DAAM2: variants seen among roughly 807,000 people sequenced by gnomAD.
DAAM2 encodes the protein disheveled-associated activator of morphogenesis 2.
A neutral mutation model predicts 120.7 loss-of-function variants in DAAM2; 39 were observed. That is an observed-to-expected ratio of 0.32 (90% CI 0.25 to 0.42). DAAM2 has a LOEUF of 0.42. DAAM2 is among the 10% of genes least tolerant of loss of function. The probability of loss-of-function intolerance (pLI) is 1.00; values close to 1 mark genes in which losing one functional copy is unlikely to be tolerated. For synonymous variants in DAAM2, 488 were observed against 524.9 expected (o/e 0.93, Z 0.96); for missense variants, 1,283 against 1,401.7 (o/e 0.92, Z 1.35).
chr6:39,832,649 T>A (rs917218115), intron 1 of DAAM2, among the ~76,000 whole-genome samples: 4 of 152,200 alleles, frequency 2.6e-5, no homozygotes, highest in Non-Finnish European at 2.9e-5. Flanking sequence ...AATTCAAACT[T>A]CCTGTGAGGG....
Position 39,883,772 on chromosome 6 carries a change from C to T in DAAM2, c.1846-190C>T. 5 of 567,960 alleles carry T rather than the reference C, an allele frequency of 8.8e-6. No individual in the cohort carries two copies. The South Asian group carries it at 1.2e-4, about 14-fold the overall frequency. The allele number at this position is 567,960 out of a possible 1,614,324, so 35.2% of individuals were successfully genotyped here. A position where few individuals can be genotyped will look rare whatever the true frequency, so the allele number is the denominator to read the frequency against. ...GGGAGGAAAAGGGGGTTGTCTCTGG[C>T]CTCTACCCTGGAGCAGAGTATTCAA... On this transcript the variant is annotated intron_variant, in intron 14 of 24. Coordinates refer to ENST00000274867, the MANE Select transcript of DAAM2 (RefSeq NM_001201427.2).
chr6:39,849,713 C>G (rs988203891), intron 1 of DAAM2, among the ~76,000 whole-genome samples: 20 of 152,152 alleles, frequency 1.3e-4, no homozygotes, highest in Admixed American at 9.2e-4. Flanking sequence ...ATCCCCAGGT[C>G]TGCTTGCTGT....
intron 19 of DAAM2, among the ~76,000 whole-genome samples, chr6:39,892,700 T>C (rs1267947731): frequency 1.3e-5 from 2 of 152,108 alleles, no homozygotes; most frequent in East Asian, 1.9e-4. Flanking sequence ...GAACAGAGCA[T>C]GGGCACCCCC....
At chr6:39,888,816 C>T in intron 17 of DAAM2, 53 bp downstream of exon 17, 2 of 1,406,426 alleles carry the variant, frequency 1.4e-6, no homozygotes, top group Non-Finnish European at 2.0e-6. Context: ...GCAGCCACGC[C>T]CCTTCCCAAC....
In DAAM2 at chr6:39,879,229, T is replaced by G; in HGVS notation, c.1597T>G (p.Ser533Ala). The change falls in exon 14 of 25, where the codon TCC (serine) becomes GCC (alanine). Residue 533 changes from serine (S) to alanine (A), a missense_variant. Ser to Ala is a moderately conservative substitution (Grantham distance 99). Coordinates refer to ENST00000274867, the MANE Select transcript of DAAM2 (RefSeq NM_001201427.2). The part of the protein sequence containing the change: ...PPPGGPLTLS[S>A]SMTTNDLPPP... Reference sequence around the variant, plus strand: ...CCCTGGGGGCCCACTCACCTTGTCTTCCTCAATGACAACCAATGACCTGCC... The same window carrying G: ...CCCTGGGGGCCCACTCACCTTGTCTGCCTCAATGACAACCAATGACCTGCC... The G allele has an allele frequency of 6.5e-7, 1 of 1,550,230 alleles. No homozygotes were observed. Among genetic ancestry groups the G allele is most frequent in the East Asian group, 2.4e-5 (1 of 40,952 alleles).
chr6:39,847,515 T>C lies in DAAM2; in HGVS notation c.-56-8732T>C, dbSNP rs371916507. 6.6e-5 allele frequency among the ~76,000 whole-genome samples: 10 copies of C among 152,250 alleles called. No individual in the cohort carries two copies. The East Asian group carries it at 1.9e-3, about 29-fold the overall frequency. ...GCCCCAGACTTACGGCGCTAATGGG[T>C]AGCAGAGACATGGGCGCTAAAATTC... is the stretch of plus-strand genomic sequence containing the variant. On this transcript the variant is annotated intron_variant, in intron 1 of 24. Coordinates refer to ENST00000274867, the MANE Select transcript of DAAM2 (RefSeq NM_001201427.2).
At chr6:39,816,214 A>T (rs1762304973) in intron 1 of DAAM2, among the ~76,000 whole-genome samples, 1 of 152,212 alleles carries the variant, frequency 6.6e-6, no homozygotes, top group Non-Finnish European at 1.5e-5. Context: ...CGCATTTCTA[A>T]CATGTTCACA....
intron 1 of DAAM2, among the ~76,000 whole-genome samples, chr6:39,803,361 C>T (rs549819480): frequency 3.3e-4 from 51 of 152,298 alleles, no homozygotes; most frequent in African/African-American, 9.9e-4. Context: ...TACAGGGATT[C>T]CTGAGACGTT....
chr6:39,855,554 C>T (rs551423133), intron 1 of DAAM2, among the ~76,000 whole-genome samples: 1 of 152,340 alleles, frequency 6.6e-6, no homozygotes, highest in South Asian at 2.1e-4. Context: ...TTCGCTCTGA[C>T]TCCCCTGGGT....
chr6:39,821,136 A>C (rs1164022905), intron 1 of DAAM2: 1 of 152,092 alleles, frequency 6.6e-6, no homozygotes, highest in Non-Finnish European at 1.5e-5. Flanking sequence ...ATTTCCACCC[A>C]CCTCGGGCTC....
At position 39,878,097 on chromosome 6, in the gene DAAM2, T is replaced by C; in HGVS notation, c.1302-106T>C. ...AGCCCCCTTGATGTGGCTGGACAGA[T>C]TGGAGACCAGGGTCCCCACCTGGAG... On this transcript the variant is annotated intron_variant, in intron 11 of 24. Transcript: ENST00000274867. This position sits in a 1 kb window ranked among gnomAD's most constrained non-coding sequence, Gnocchi z 5.0. 1 of 1,187,112 alleles carries C rather than the reference T, an allele frequency of 8.4e-7. No homozygotes were observed. The allele number at this position is 1,187,112 out of a possible 1,614,324, so 73.5% of individuals were successfully genotyped here. A position where few individuals can be genotyped will look rare whatever the true frequency, so the allele number is the denominator to read the frequency against.
chr6:39,813,436 C>T (rs974248061), intron 1 of DAAM2, among the ~76,000 whole-genome samples: 3 of 151,982 alleles, frequency 2.0e-5, no homozygotes, highest in African/African-American at 7.3e-5. Flanking sequence ...CTTATGGCTG[C>T]GTTATGCAAA....
intron 1 of DAAM2, among the ~76,000 whole-genome samples, chr6:39,803,387 C>G (rs189216322): frequency 9.2e-5 from 14 of 152,342 alleles, no homozygotes; most frequent in Admixed American, 2.0e-4. Context: ...CTCCCAGGCT[C>G]TTTCTAGCTG....
intron 1 of DAAM2, among the ~76,000 whole-genome samples, chr6:39,797,785 T>C (rs1217777857): frequency 1.3e-5 from 2 of 152,236 alleles, no homozygotes; most frequent in Admixed American, 6.5e-5. Context: ...GGGTGCAGAC[T>C]TCGTATGGTT....
intron 19 of DAAM2, among the ~76,000 whole-genome samples, chr6:39,896,454 C>T (rs562095100): frequency 6.6e-6 from 1 of 152,266 alleles, no homozygotes; most frequent in South Asian, 2.1e-4. Flanking sequence ...CTCCCTGCCT[C>T]GGCCTCCCAA....
Position 39,903,981 on chromosome 6 carries a change from C to T in DAAM2, c.*1944C>T, listed in dbSNP as rs1002095593. The T allele has an allele frequency of 4.3e-5, 15 of 350,978 alleles. No homozygotes were observed. The highest frequency in any genetic ancestry group is 2.1e-4 in the African/African-American group (10 of 46,648). 21.7% of individuals were successfully genotyped at this position (350,978 alleles called of 1,614,324 possible). A position where few individuals can be genotyped will look rare whatever the true frequency, so the allele number is the denominator to read the frequency against. On this transcript the variant is annotated 3_prime_UTR_variant, in exon 25 of 25. Transcript: ENST00000274867. ...AGCCCCAAGAGCTCCCACTGCAAGA[C>T]AAGTGTTGGGGAAGATGGGAGGTTG...
intron 9 of DAAM2, 61 bp downstream of exon 9, chr6:39,871,633 A>G: frequency 6.8e-7 from 1 of 1,473,378 alleles, no homozygotes; most frequent in Non-Finnish European, 9.2e-7. Flanking sequence ...GTGGCCCCAC[A>G]GCCACTTTTC....
chr6:39,876,162 A>G (rs1764860800), intron 11 of DAAM2, among the ~76,000 whole-genome samples: 1 of 152,226 alleles, frequency 6.6e-6, no homozygotes, highest in Non-Finnish European at 1.5e-5. Context: ...ATAGAGAAAC[A>G]CAGAGAAACA....
chr6:39,901,352 A>G lies in DAAM2; in HGVS notation c.2862A>G (p.Pro954=). 6.2e-7 allele frequency: 1 copy of G among 1,613,970 alleles called. No homozygotes were observed. The highest frequency in any genetic ancestry group is 1.1e-5 in the South Asian group (1 of 91,082). ...GGGAGCATGACAGCAAGATGCAGCC[A>G]GACGAATTCTTTGGCATCTTTGATA... The part of the protein sequence containing the change: ...HFGEHDSKMQ[P]DEFFGIFDTF... Residue 954 remains proline, a synonymous_variant, in exon 24 of 25, where the codon CCA becomes CCG. Coordinates refer to ENST00000274867, the MANE Select transcript of DAAM2 (RefSeq NM_001201427.2). This position sits in a 1 kb window ranked among gnomAD's most constrained non-coding sequence, Gnocchi z 4.5.
Sources: gnomAD v4.1 joint callset for allele counts (sites outside exome capture counted in the v4.1 genomes callset) on GRCh38, gnomAD v4.1.1 for gene constraint, Gnocchi (gnomAD v3.1) non-coding constraint, MANE v1.5 for transcripts, NCBI Gene and HGNC (gene_info 2026-07-23, HGNC 2026-07-21) for gene names.